Variants in SAMD7 observed in about 807,000 individuals in gnomAD.
The protein encoded by SAMD7 is sterile alpha motif domain containing 7.
A neutral mutation model predicts 36.7 loss-of-function variants in SAMD7; 34 were observed. That is an observed-to-expected ratio of 0.93 (90% CI 0.71 to 1.23). The LOEUF (loss-of-function observed/expected upper bound fraction) is 1.23, where lower values mean the gene tolerates loss of function less well. SAMD7 is among the 50% of genes most tolerant of loss of function. The probability of loss-of-function intolerance (pLI) is 0.00; values close to 1 mark genes in which losing one functional copy is unlikely to be tolerated. For synonymous variants in SAMD7, 188 were observed against 189.7 expected, an observed-to-expected ratio of 0.99 and a Z score of 0.07; for missense variants, 570 against 546.6, an observed-to-expected ratio of 1.04 and a Z score of -0.43.
chr3:169,931,464 G>A (rs986125371), intron 7 of SAMD7, among the ~76,000 whole-genome samples: 8 of 151,744 alleles, frequency 5.3e-5, no homozygotes, highest in African/African-American at 1.9e-4. Flanking sequence ...CTCACAAATT[G>A]TCAGGTGCAC....
At chr3:169,937,962 C>T (rs1272460147) in intron 8 of SAMD7, among the ~76,000 whole-genome samples, 1 of 152,160 alleles carries the variant, frequency 6.6e-6, no homozygotes, top group Non-Finnish European at 1.5e-5. Context: ...TCTACAATAG[C>T]TCCCCATTGC....
At chr3:169,923,904 G>C (rs554774015) in intron 4 of SAMD7, among the ~76,000 whole-genome samples, 1 of 152,332 alleles carries the variant, frequency 6.6e-6, no homozygotes, top group South Asian at 2.1e-4. Context: ...CTAACATTAA[G>C]TTTGATATTG....
chr3:169,929,957 G>A (rs1713422444), intron 7 of SAMD7, among the ~76,000 whole-genome samples: 1 of 152,180 alleles, frequency 6.6e-6, no homozygotes, highest in Non-Finnish European at 1.5e-5. Flanking sequence ...CACTTCAAGT[G>A]CCATGTCAAC....
At chr3:169,912,222 C>T (rs943514090) in intron 1 of SAMD7, among the ~76,000 whole-genome samples, 1 of 151,988 alleles carries the variant, frequency 6.6e-6, no homozygotes, top group Admixed American at 6.6e-5. Flanking sequence ...ATTTTAATGG[C>T]CCCCCATTAC....
At chr3:169,914,442 G>A (rs59260410) in intron 1 of SAMD7, among the ~76,000 whole-genome samples, 2,170 of 152,262 alleles carry the variant, frequency 0.014, 113 homozygotes, top group Admixed American at 0.094. Context: ...GAAGCCAAGT[G>A]GAGCCCAGAA....
intron 3 of SAMD7, 132 bp from the exon 4 acceptor site, chr3:169,921,082 C>G (rs1309864235): frequency 1.2e-5 from 10 of 804,386 alleles, no homozygotes; most frequent in African/African-American, 1.0e-4. Context: ...GACTCCAGGA[C>G]TTTTGTATTT....
At chr3:169,932,555 C>T in intron 7 of SAMD7, 1 of 532,856 alleles carries the variant, frequency 1.9e-6, no homozygotes, top group Non-Finnish European at 3.7e-6. Flanking sequence ...CATGGAGCAG[C>T]TGTTGAGCCC....
rs1444238162 is a variant in SAMD7 at position 169,936,453 on chromosome 3, T to C, written c.1152+4T>C. 7 of 1,529,588 alleles carry C rather than the reference T, an allele frequency of 4.6e-6. No individual in the cohort carries two copies. The Admixed American group carries it at 6.7e-5, about 15-fold the overall frequency. 94.8% of individuals were successfully genotyped at this position (1,529,588 alleles called of 1,614,324 possible). On this transcript the variant is annotated splice_donor_region_variant and intron_variant, in intron 8 of 8. Transcript: ENST00000335556. ...GGCACTAAAAATTCAGTCACAGGTA[T>C]GGTGATTTTATATAACTAATTATGT...
intron 3 of SAMD7, among the ~76,000 whole-genome samples, chr3:169,920,847 T>C (rs1350858873): frequency 6.6e-6 from 1 of 152,210 alleles, no homozygotes; most frequent in Non-Finnish European, 1.5e-5. Context: ...TCCCAGATGG[T>C]AAACCCAACC....
rs764134487 is a variant in SAMD7, at chr3:169,927,160, G to T, written c.898G>T (p.Val300Phe). The T allele has an allele frequency of 2.0e-6, 3 of 1,533,354 alleles. No homozygotes were observed. The highest frequency in any genetic ancestry group is 2.3e-5 in the East Asian group (1 of 44,348). The allele number at this position is 1,533,354 out of a possible 1,614,324, so 95.0% of individuals were successfully genotyped here. ...CDEKNGVCPP[V>F]PRPSLPGTHA... Reference sequence around the variant, plus strand: ...TGAAAAGAATGGGGTTTGCCCTCCAGTTCCTCGACCATCTCTGCCAGGTGG... The same window carrying T: ...TGAAAAGAATGGGGTTTGCCCTCCATTTCCTCGACCATCTCTGCCAGGTGG... Residue 300 changes from valine to phenylalanine, a missense_variant, in exon 6 of 9, where the codon GTT (valine) becomes TTT (phenylalanine). Transcript: ENST00000335556.
intron 7 of SAMD7, chr3:169,931,901 T>C (rs537582397): frequency 1.4e-4 from 36 of 254,988 alleles, no homozygotes; most frequent in South Asian, 3.8e-4. Flanking sequence ...GACCAATGTG[T>C]GTAATGATGG....
chr3:169,937,410 C>A (rs570255332), intron 8 of SAMD7, among the ~76,000 whole-genome samples: 3 of 152,306 alleles, frequency 2.0e-5, no homozygotes, highest in East Asian at 1.9e-4. Flanking sequence ...TCCCTCCCCC[C>A]ATCCCAACCC....
chr3:169,924,573 C>T (rs960340068), intron 4 of SAMD7, among the ~76,000 whole-genome samples: 3 of 151,866 alleles, frequency 2.0e-5, no homozygotes, highest in South Asian at 2.1e-4. Flanking sequence ...GATGACAGAG[C>T]GAGACTCTGT....
chr3:169,923,371 G>C (rs1017716289), intron 4 of SAMD7, among the ~76,000 whole-genome samples: 2 of 152,212 alleles, frequency 1.3e-5, no homozygotes, highest in Non-Finnish European at 2.9e-5. Flanking sequence ...GCAGATCCTG[G>C]ATGGAAGCCA....
At chr3:169,936,994 A>G (rs1216994226) in intron 8 of SAMD7, among the ~76,000 whole-genome samples, 1 of 152,232 alleles carries the variant, frequency 6.6e-6, no homozygotes. Context: ...TAGTAAAATA[A>G]TTAGGTAAAA....
intron 8 of SAMD7, among the ~76,000 whole-genome samples, chr3:169,938,109 A>G (rs1282434568): frequency 2.0e-5 from 3 of 152,138 alleles, no homozygotes; most frequent in Non-Finnish European, 1.5e-5. Flanking sequence ...GGTTAGAGCC[A>G]CCTTGATACC....
Position 169,938,775 on chromosome 3 carries a change from C to T in SAMD7, c.*269C>T. ...CAAGAAAGCTGCAGATGGATGTTTCCATGAAGAAATCTCTGAAGAAACCAA... is the reference window on the plus strand; with the variant it reads ...CAAGAAAGCTGCAGATGGATGTTTCTATGAAGAAATCTCTGAAGAAACCAA... On this transcript the variant is annotated 3_prime_UTR_variant, in exon 9 of 9. Coordinates refer to ENST00000335556, the MANE Select transcript of SAMD7 (RefSeq NM_001304366.2). The T allele has an allele frequency of 3.2e-6, 1 of 310,140 alleles. No homozygotes were observed. The allele number at this position is 310,140 out of a possible 1,614,324, so 19.2% of individuals were successfully genotyped here. A position where few individuals can be genotyped will look rare whatever the true frequency, so the allele number is the denominator to read the frequency against.
In SAMD7 at chr3:169,915,974, C is replaced by T. The variant is rs115211036; in HGVS notation, c.-42+533C>T. On this transcript the variant is annotated intron_variant, in intron 2 of 8. Transcript: ENST00000335556. ...GTACAATTTGATGAGTTTTGGCATACGCATAATCCATGAAGCCACCACTTA... is the reference window on the plus strand; with the variant it reads ...GTACAATTTGATGAGTTTTGGCATATGCATAATCCATGAAGCCACCACTTA... Among the ~76,000 whole-genome samples, 1,063 of 152,226 alleles carry T rather than the reference C, an allele frequency of 7.0e-3. 16 individuals are homozygous for T. The highest frequency in any genetic ancestry group is 0.024 in the African/African-American group (984 of 41,534).
At chr3:169,933,346 CAG>C in intron 7 of SAMD7, 1 of 330,346 alleles carries the variant, frequency 3.0e-6, no homozygotes, top group Non-Finnish European at 5.7e-6. Context: ...GTTCTGGTGA[CAG>C]GGGACAGGGT....
Sources: gnomAD v4.1 joint callset for allele counts (sites outside exome capture counted in the v4.1 genomes callset) on GRCh38, gnomAD v4.1.1 for gene constraint, MANE v1.5 for transcripts, NCBI Gene and HGNC (gene_info 2026-07-23, HGNC 2026-07-21) for gene names.